The following IDO2 variants were observed in gnomAD, a reference collection of about 807,000 sequenced individuals.
The protein encoded by IDO2 is indoleamine 2,3-dioxygenase 2, also known as indoleamine 2,3-dioxygenase-like 1 protein.
IDO2 carries 46 observed loss-of-function variants against 45.1 expected under a neutral mutation model. The observed-to-expected ratio is 1.02, with a 90% confidence interval of 0.80 to 1.30. The LOEUF is 1.30. Ranked by LOEUF, IDO2 falls within the 50% of genes most tolerant of loss-of-function variation. IDO2 has a pLI of 0.00. For synonymous variants in IDO2, 218 were observed against 184.9 expected, an observed-to-expected ratio of 1.18 and a Z score of -1.45; for missense variants, 544 against 491.8, an observed-to-expected ratio of 1.11 and a Z score of -1.00.
intron 6 of IDO2, chr8:39,986,865 C>CATTATTATTATTATTATTATTATT (rs55702421): frequency 3.0e-4 from 43 of 144,088 alleles, no homozygotes; most frequent in East Asian, 8.3e-4. Context: ...CACAATATCT[C>CATTATTATTATTATTATTATTATT]ATTATTATTA....
chr8:40,001,245 ATTTT>A (rs1187145007), intron 8 of IDO2, among the ~76,000 whole-genome samples: 5,738 of 94,192 alleles, frequency 0.061, 64 homozygotes, highest in Middle Eastern at 0.099. Flanking sequence ...GGCTTTCCTC[ATTTT>A]TTTTTTTTTT....
intron 2 of IDO2, among the ~76,000 whole-genome samples, chr8:39,955,787 T>C (rs112661838): frequency 3.0e-3 from 459 of 152,344 alleles, no homozygotes; most frequent in Non-Finnish European, 5.4e-3. Flanking sequence ...TCTACTGTAG[T>C]AGCTTGTCAA....
chr8:40,002,197 G>A (rs1041694567), intron 8 of IDO2, among the ~76,000 whole-genome samples: 2 of 152,084 alleles, frequency 1.3e-5, no homozygotes, highest in Non-Finnish European at 2.9e-5. Flanking sequence ...TAAGTAGTAT[G>A]AGATGAGAAA....
intron 3 of IDO2, among the ~76,000 whole-genome samples, chr8:39,967,550 G>A (rs1808106718): frequency 6.6e-6 from 1 of 152,116 alleles, no homozygotes; most frequent in Non-Finnish European, 1.5e-5. Context: ...GTGCAGTGGT[G>A]CTATATCGAC....
chr8:39,968,078 C>A (rs1156672632), intron 3 of IDO2, among the ~76,000 whole-genome samples: 50 of 139,198 alleles, frequency 3.6e-4, no homozygotes, highest in South Asian at 2.3e-4. Flanking sequence ...TCATAATCAC[C>A]AAAAAAAAAA....
chr8:39,937,120 G>A (rs181625828), intron 1 of IDO2, among the ~76,000 whole-genome samples: 4 of 152,248 alleles, frequency 2.6e-5, no homozygotes, highest in Admixed American at 6.5e-5. Context: ...TTCAATGATC[G>A]TCTTCCAAAA....
In IDO2 at chr8:39,989,329, G is replaced by T. The variant is rs1484065040; in HGVS notation, c.550-392G>T. ...GATTACCATCCAAGATGAGATTTGG[G>T]TGGGGACACAGATTTCAACACAGAT... On this transcript the variant is annotated intron_variant, in intron 7 of 10. Transcript: ENST00000502986. Among the ~76,000 whole-genome samples the T allele has an allele frequency of 2.4e-4, 36 of 152,182 alleles. 1 individual carries two copies. The highest frequency in any genetic ancestry group is 2.9e-5 in the Non-Finnish European group (2 of 68,044).
intron 1 of IDO2, among the ~76,000 whole-genome samples, chr8:39,939,342 T>C (rs1280543097): frequency 1.3e-5 from 2 of 148,770 alleles, no homozygotes; most frequent in Admixed American, 1.3e-4. Flanking sequence ...AGGTCAGGAG[T>C]TGGAGACCAG....
intron 3 of IDO2, among the ~76,000 whole-genome samples, chr8:39,978,324 C>A (rs2129594334): frequency 6.6e-6 from 1 of 152,288 alleles, no homozygotes; most frequent in Non-Finnish European, 1.5e-5. Flanking sequence ...GTGTCTAGAG[C>A]TGGGGAGTGG....
intron 3 of IDO2, among the ~76,000 whole-genome samples, chr8:39,965,032 C>T (rs954144117): frequency 6.6e-6 from 1 of 152,208 alleles, no homozygotes; most frequent in Admixed American, 6.5e-5. Flanking sequence ...ATGAGGTCGT[C>T]TGCCGTAGGC....
At chr8:39,953,361 C>T (rs1046954079) in intron 2 of IDO2, among the ~76,000 whole-genome samples, 3 of 152,118 alleles carry the variant, frequency 2.0e-5, no homozygotes, top group South Asian at 2.1e-4. Context: ...TGCCGAAGCT[C>T]CACCTAGAAT....
At chr8:40,015,483 C>T in exon 11 of IDO2, 1 of 1,613,996 alleles carries the variant, frequency 6.2e-7, no homozygotes, top group Middle Eastern at 1.7e-4. Context: ...GAAGCCAAAC[C>T]ATCTCCCAGG....
intron 3 of IDO2, among the ~76,000 whole-genome samples, chr8:39,977,241 A>T (rs1319737272): frequency 6.6e-6 from 1 of 152,236 alleles, no homozygotes; most frequent in African/African-American, 2.4e-5. Context: ...AATTGATGAT[A>T]AACAGGCAAA....
intron 8 of IDO2, among the ~76,000 whole-genome samples, chr8:40,000,169 T>C (rs933169683): frequency 4.6e-5 from 7 of 152,182 alleles, no homozygotes; most frequent in South Asian, 2.1e-4. Flanking sequence ...ATCCCAGCAC[T>C]CTGGGAGGCT....
At chr8:39,992,051 C>T (rs2729478) in intron 8 of IDO2, among the ~76,000 whole-genome samples, 2 of 152,230 alleles carry the variant, frequency 1.3e-5, no homozygotes, top group East Asian at 3.9e-4. Context: ...TCTATATGGA[C>T]AAATAGCTGA....
intron 5 of IDO2, among the ~76,000 whole-genome samples, chr8:39,984,545 G>A (rs1808396323): frequency 6.6e-6 from 1 of 152,160 alleles, no homozygotes; most frequent in Admixed American, 6.5e-5. Context: ...TAAGAGTGAA[G>A]GGCTAGTTTA....
exon 1 of IDO2, chr8:39,934,710 C>T (rs1807519256): frequency 5.3e-6 from 1 of 187,160 alleles, no homozygotes; most frequent in South Asian, 1.0e-4. Flanking sequence ...CTTTTAAAAA[C>T]AAGAGCTCAG....
At chr8:39,945,140 C>A (rs899855006) in intron 1 of IDO2, among the ~76,000 whole-genome samples, 1 of 152,216 alleles carries the variant, frequency 6.6e-6, no homozygotes, top group Non-Finnish European at 1.5e-5. Flanking sequence ...GGGTTGCAAC[C>A]TGCAGGGTGG....
chr8:39,946,558 G>T (rs1807734416), intron 1 of IDO2, among the ~76,000 whole-genome samples: 4 of 152,142 alleles, frequency 2.6e-5, no homozygotes, highest in African/African-American at 9.7e-5. Context: ...AGTGAGCCGA[G>T]ATCATGCCAC....
Sources: gnomAD v4.1 joint callset for allele counts (sites outside exome capture counted in the v4.1 genomes callset) on GRCh38, gnomAD v4.1.1 for gene constraint, MANE v1.5 for transcripts, NCBI Gene and HGNC (gene_info 2026-07-23, HGNC 2026-07-21) for gene names.